Variants in PPFIA4 observed in about 807,000 individuals in gnomAD.
PPFIA4 encodes the protein liprin-alpha-4.
A neutral mutation model predicts 145.7 loss-of-function variants in PPFIA4; 98 were observed. The observed-to-expected ratio is 0.67, with a 90% CI of 0.57 to 0.80. The LOEUF is 0.80. Ranked by LOEUF, PPFIA4 falls within the 30% of genes least tolerant of loss-of-function variation. The pLI is 0.00. For synonymous variants in PPFIA4, 628 were observed against 649.6 expected (o/e 0.97, Z 0.51); for missense variants, 1,457 against 1,632.7 (o/e 0.89, Z 1.85).
chr1:203,030,824 C>G (rs1658771287), intron 1 of PPFIA4, among the ~76,000 whole-genome samples: 1 of 152,176 alleles, frequency 6.6e-6, no homozygotes. Flanking sequence ...TGTTATGAAT[C>G]CCAGATGCTT....
chr1:203,033,225 C>G (rs533292703), intron 1 of PPFIA4, among the ~76,000 whole-genome samples: 103 of 152,302 alleles, frequency 6.8e-4, no homozygotes, highest in Admixed American at 1.5e-3. Flanking sequence ...ATTTGGGAAC[C>G]TGATCACAGA....
At chr1:203,054,982 C>T (rs958627890) in intron 15 of PPFIA4, among the ~76,000 whole-genome samples, 4 of 152,054 alleles carry the variant, frequency 2.6e-5, no homozygotes, top group African/African-American at 7.2e-5. Context: ...CAGGCACACA[C>T]GTGTACCATT....
intron 19 of PPFIA4, among the ~76,000 whole-genome samples, chr1:203,058,414 G>A (rs1661125523): frequency 6.6e-6 from 1 of 152,150 alleles, no homozygotes; most frequent in Admixed American, 6.5e-5. Context: ...AGGGGTGAGG[G>A]GAGTTGTGGA....
rs912912224 is a variant in PPFIA4 at position 203,063,800 on chromosome 1, A to G, written c.2875-28A>G. On this transcript the variant is annotated intron_variant, in intron 24 of 29. Coordinates refer to ENST00000295706, the MANE Select transcript of PPFIA4 (RefSeq NM_001304331.2). The stretch of plus-strand genomic sequence containing the variant: ...TGCTGGCTCTACCTTCCTCCCCCAT[A>G]ATAGCCTCCTGCATCTCATTTCCCT... 39 of 1,612,950 alleles carry G rather than the reference A, an allele frequency of 2.4e-5. 1 individual carries two copies. Among genetic ancestry groups the G allele is most frequent in the Admixed American group, 5.0e-5 (3 of 59,954 alleles).
intron 25 of PPFIA4, among the ~76,000 whole-genome samples, chr1:203,066,305 C>A (rs1661726450): frequency 6.6e-6 from 1 of 152,198 alleles, no homozygotes; most frequent in Admixed American, 6.5e-5. Flanking sequence ...GAAGTGGCAT[C>A]TCTGAGCTCT....
rs1366237926 is a variant in PPFIA4, at chr1:203,044,509, C to G, written c.576+56C>G. On this transcript the variant is annotated intron_variant, in intron 5 of 29. Coordinates refer to ENST00000295706, the MANE Select transcript of PPFIA4 (RefSeq NM_001304331.2). ...CTCCTGGAAGTCCAGGCTGGTTCAC[C>G]CCTGTGCCCTACTCTGTTTCTTGTC... 18 of 1,506,096 alleles carry G rather than the reference C, an allele frequency of 1.2e-5. No individual in the cohort carries two copies. In the Middle Eastern group the frequency reaches 2.6e-3, roughly 219 times the overall value. The allele number at this position is 1,506,096 out of a possible 1,614,324, so 93.3% of individuals were successfully genotyped here. A position where few individuals can be genotyped will look rare whatever the true frequency, so the allele number is the denominator to read the frequency against.
chr1:203,076,221 TG>T, intron 29 of PPFIA4, 119 bp from the exon 30 acceptor site: 1 of 1,130,592 alleles, frequency 8.8e-7, no homozygotes, highest in Non-Finnish European at 1.3e-6. Flanking sequence ...TCGTCTGGCC[TG>T]GGGCGCTTTG....
At chr1:203,046,015 G>A (rs1214961607) in intron 8 of PPFIA4, 28 bp downstream of exon 8, 6 of 1,611,832 alleles carry the variant, frequency 3.7e-6, no homozygotes, top group East Asian at 2.2e-5. Context: ...GGTGGGGATG[G>A]GCATTGTACT....
chr1:203,069,446 G>A, intron 27 of PPFIA4, among the ~76,000 whole-genome samples: 1 of 152,202 alleles, frequency 6.6e-6, no homozygotes, highest in East Asian at 1.9e-4. Context: ...CATAAACTCT[G>A]ATTGTATTGC....
chr1:203,049,629 C>A, intron 12 of PPFIA4, 47 bp from the exon 13 acceptor site: 1 of 1,381,542 alleles, frequency 7.2e-7, no homozygotes, highest in East Asian at 2.7e-5. Flanking sequence ...CCTCTCTGCC[C>A]CTCCCTGGCC....
intron 2 of PPFIA4, among the ~76,000 whole-genome samples, chr1:203,042,722 C>T (rs926838113): frequency 2.0e-5 from 3 of 152,290 alleles, no homozygotes; most frequent in South Asian, 2.1e-4. Flanking sequence ...CTGCAACCTC[C>T]GCCTCCCGGG....
At position 203,075,810 on chromosome 1, in the gene PPFIA4, T is replaced by C. The variant is rs970054584; in HGVS notation, c.3574+53T>C. ...CGAGGCCCAGCCGAGCGCGGGCTTC[T>C]TCCTGGCACCCCAGGGCCGGGCCGG... is the stretch of plus-strand genomic sequence containing the variant. On this transcript the variant is annotated intron_variant, in intron 29 of 29. Transcript: ENST00000295706. The surrounding 1 kb of genome is among the most constrained non-coding windows in gnomAD (Gnocchi z 4.1). 6.7e-6 allele frequency: 9 copies of C among 1,342,814 alleles called. No individual in the cohort carries two copies. The highest frequency in any genetic ancestry group is 2.0e-5 in the South Asian group (1 of 49,780). The allele number at this position is 1,342,814 out of a possible 1,614,324, so 83.2% of individuals were successfully genotyped here. A position where few individuals can be genotyped will look rare whatever the true frequency, so the allele number is the denominator to read the frequency against.
chr1:203,053,748 C>CT lies in PPFIA4; in HGVS notation c.1621-4dup. 1.3e-6 allele frequency: 2 copies of CT among 1,550,098 alleles called. No homozygotes were observed. The highest frequency in any genetic ancestry group is 1.7e-6 in the Non-Finnish European group (2 of 1,146,944). On this transcript the variant is annotated splice_polypyrimidine_tract_variant and splice_region_variant and intron_variant, in intron 14 of 29. Transcript: ENST00000295706. Reference sequence around the variant, plus strand: ...ACGACTCCTTTACCCTCCTCCTTTGCTAAGGACTGGGAGACTTCTCCACTG... The same window carrying CT: ...ACGACTCCTTTACCCTCCTCCTTTGCTTAAGGACTGGGAGACTTCTCCACTG...
At chr1:203,070,520 T>C (rs900756442) in intron 27 of PPFIA4, among the ~76,000 whole-genome samples, 7 of 142,674 alleles carry the variant, frequency 4.9e-5, no homozygotes, top group Admixed American at 1.5e-4. Flanking sequence ...AGTTTAAGGC[T>C]GCAGTGAGCC....
At chr1:203,063,525 GAGTCAACAGGA>G in intron 24 of PPFIA4, 1 of 310,516 alleles carries the variant, frequency 3.2e-6, no homozygotes, top group Middle Eastern at 1.1e-3. Flanking sequence ...ATGCAACCCA[GAGTCAACAGGA>G]AGGATTTCAT....
At chr1:203,052,541 G>T (rs1660609096) in intron 14 of PPFIA4, among the ~76,000 whole-genome samples, 1 of 152,164 alleles carries the variant, frequency 6.6e-6, no homozygotes, top group African/African-American at 2.4e-5. Context: ...GATTCACTCT[G>T]CCCTTAAGAA....
intron 2 of PPFIA4, 30 bp downstream of exon 2, chr1:203,039,272 A>G (rs1429485393): frequency 6.7e-7 from 1 of 1,498,040 alleles, no homozygotes; most frequent in Non-Finnish European, 8.9e-7. Context: ...GTCTCTCTTA[A>G]CCCCTTTCCC....
chr1:203,034,132 C>G (rs1196322911), intron 1 of PPFIA4, among the ~76,000 whole-genome samples: 2 of 152,166 alleles, frequency 1.3e-5, no homozygotes, highest in Non-Finnish European at 2.9e-5. Context: ...AGCGGAAGGG[C>G]AGATCTCACA....
At chr1:203,051,304 A>G in intron 13 of PPFIA4, 3 of 987,158 alleles carry the variant, frequency 3.0e-6, no homozygotes, top group Non-Finnish European at 3.6e-6. Flanking sequence ...ACCCGAGGAA[A>G]AGTGCTGGGT....
Sources: allele counts gnomAD v4.1 joint callset (sites outside exome capture counted in the v4.1 genomes callset), GRCh38; gene constraint gnomAD v4.1.1; non-coding constraint Gnocchi (gnomAD v3.1); transcripts MANE v1.5; gene names NCBI Gene and HGNC (gene_info 2026-07-23, HGNC 2026-07-21).